Variants in RTKN2 observed in about 807,000 individuals in gnomAD.
RTKN2 encodes the protein rhotekin 2, also known as rhotekin-2.
Under a neutral mutation model 71.5 loss-of-function variants are expected in RTKN2, and 69 were observed. The ratio of observed to expected loss-of-function variants is 0.96; its 90% CI spans 0.79 to 1.18. The LOEUF is 1.18. RTKN2 is among the 50% of genes most tolerant of loss of function. The probability of loss-of-function intolerance (pLI) is 0.00; values close to 1 mark genes in which losing one functional copy is unlikely to be tolerated. For missense variants in RTKN2, 724 were observed against 719.7 expected, an observed-to-expected ratio of 1.01 and a Z score of -0.07; for synonymous variants, 236 against 236.5, an observed-to-expected ratio of 1.00 and a Z score of 0.02.
intron 3 of RTKN2, among the ~76,000 whole-genome samples, chr10:62,245,689 A>G (rs1460793786): frequency 6.6e-6 from 1 of 152,104 alleles, no homozygotes; most frequent in Non-Finnish European, 1.5e-5. Context: ...GAGTCAAAAG[A>G]CTTGGGTTTG....
chr10:62,262,719 C>T lies in RTKN2; in HGVS notation c.163G>A (p.Val55Ile), dbSNP rs150273580. Residue 55 changes from valine (V) to isoleucine (I), a missense_variant, in exon 2 of 12, where the codon GTT becomes ATT. Val to Ile is a conservative substitution (Grantham distance 29). Transcript: ENST00000373789. ...GCATTGCACACCATGAGATTCTTAA[C>T]TGCATGTAAAACTTGATCTTTCTGA... ...STQKDQVLHA[V>I]KNLMVCNARL... The T allele has an allele frequency of 9.9e-5, 159 of 1,613,294 alleles. No homozygotes were observed. The African/African-American group carries it at 2.0e-3, about 21-fold the overall frequency.
At chr10:62,213,771 G>C (rs575851996) in intron 9 of RTKN2, among the ~76,000 whole-genome samples, 1 of 152,080 alleles carries the variant, frequency 6.6e-6, no homozygotes, top group East Asian at 1.9e-4. Context: ...TAACTGCTGA[G>C]TCTAGGTGGT....
In RTKN2 at chr10:62,197,932, T is replaced by G. The variant is rs1479423883; in HGVS notation, c.1806A>C (p.Arg602Ser). ...TCTATACTTGTGCCTGCAGCCATGA[T>G]CTAGGGTCCAGAATGTCTTTGATGG... Reference protein sequence around the residue: ...QKSIKDILDPRSWLQAQV With the variant: ...QKSIKDILDPSSWLQAQV Residue 602 changes from arginine to serine, a missense_variant, in exon 12 of 12, where the codon AGA becomes AGC. Transcript: ENST00000373789. 8.7e-6 allele frequency: 14 copies of G among 1,613,490 alleles called. No individual in the cohort carries two copies. Among genetic ancestry groups the G allele is most frequent in the Admixed American group, 1.7e-5 (1 of 59,912 alleles).
intron 9 of RTKN2, 125 bp from the exon 10 acceptor site, chr10:62,205,147 G>T: frequency 1.4e-6 from 1 of 724,196 alleles, no homozygotes; most frequent in African/African-American, 1.9e-5. Context: ...CTGATCATTT[G>T]AAATTTAAAA....
In RTKN2 at chr10:62,246,191, C is replaced by A. The variant is rs553345159; in HGVS notation, c.258-134G>T. 2.3e-4 allele frequency: 134 copies of A among 589,146 alleles called. 1 individual carries two copies. Among genetic ancestry groups the A allele is most frequent in the African/African-American group, 2.2e-3 (118 of 52,926 alleles). 36.5% of individuals were successfully genotyped at this position (589,146 alleles called of 1,614,324 possible). On this transcript the variant is annotated intron_variant, in intron 2 of 11. Coordinates refer to ENST00000373789, the MANE Select transcript of RTKN2 (RefSeq NM_145307.4). ...AATAATGACTTCCAGTTAATGTAAA[C>A]TATTTGACTCAAACTTTAAGATGTT... is the stretch of plus-strand genomic sequence containing the variant.
At chr10:62,248,046 G>A (rs535757543) in intron 2 of RTKN2, among the ~76,000 whole-genome samples, 1 of 152,156 alleles carries the variant, frequency 6.6e-6, no homozygotes, top group South Asian at 2.1e-4. Flanking sequence ...AAGCAAACTT[G>A]CTGAATATTT....
chr10:62,217,356 A>C, intron 8 of RTKN2, 107 bp from the exon 9 acceptor site: 1 of 785,736 alleles, frequency 1.3e-6, no homozygotes, highest in South Asian at 3.0e-5. Flanking sequence ...AGAATTTTTA[A>C]AATGTGATGG....
intron 9 of RTKN2, 90 bp downstream of exon 9, chr10:62,217,028 T>C (rs886667327): frequency 7.3e-6 from 7 of 953,016 alleles, no homozygotes; most frequent in Middle Eastern, 2.3e-4. Context: ...ACTTCTCTTT[T>C]ATTTATAAGA....
Position 62,236,271 on chromosome 10 carries a change from C to T in RTKN2, c.489-8G>A. 1 of 1,564,224 alleles carries T rather than the reference C, an allele frequency of 6.4e-7. No individual in the cohort carries two copies. Among genetic ancestry groups the T allele is most frequent in the Non-Finnish European group, 8.7e-7 (1 of 1,144,192 alleles). On this transcript the variant is annotated splice_region_variant and splice_polypyrimidine_tract_variant and intron_variant, in intron 5 of 11. Transcript: ENST00000373789. ...TCTGGCCCTGCTTCATTACTAAAAA[C>T]AAGGGCATTCATAATGTTGGAAATT...
chr10:62,199,765 T>G lies in RTKN2; in HGVS notation c.1283A>C (p.Tyr428Ser), dbSNP rs775163778. 1 of 1,604,446 alleles carries G rather than the reference T, an allele frequency of 6.2e-7. No homozygotes were observed. The highest frequency in any genetic ancestry group is 8.5e-7 in the Non-Finnish European group (1 of 1,171,382). ...LFLTKEATSV[Y>S]HDMSIDSPMK... ...CAAACCCCACTTACTCATATCATGGTAGACTGAGGTTGCCTCTTTTGTCAA... is the reference window on the plus strand; with the variant it reads ...CAAACCCCACTTACTCATATCATGGGAGACTGAGGTTGCCTCTTTTGTCAA... The change falls in exon 11 of 12, where the codon TAC becomes TCC. Residue 428 changes from tyrosine to serine, a missense_variant. Coordinates refer to ENST00000373789, the MANE Select transcript of RTKN2 (RefSeq NM_145307.4).
Position 62,268,777 on chromosome 10 carries a change from C to T in RTKN2, c.-167G>A, listed in dbSNP as rs963181903. ...CGGGCCGAAGCGCACGCGCAGTGGG[C>T]GCGCCTTGCGCTCTGCAGCTCCCGC... On this transcript the variant is annotated 5_prime_UTR_variant, in exon 1 of 12. Transcript: ENST00000373789. The T allele has an allele frequency of 2.9e-5, 19 of 664,090 alleles. No individual in the cohort carries two copies. The highest frequency in any genetic ancestry group is 4.7e-5 in the Non-Finnish European group (19 of 401,468). 41.1% of individuals were successfully genotyped at this position (664,090 alleles called of 1,614,324 possible). A position where few individuals can be genotyped will look rare whatever the true frequency, so the allele number is the denominator to read the frequency against.
chr10:62,193,418 T>A lies in RTKN2; in HGVS notation c.*4490A>T. On this transcript the variant is annotated 3_prime_UTR_variant, in exon 12 of 12. Transcript: ENST00000373789. ...ATTAGTATTTTCTCCCATACTCAGATAAAGAAAAATGTTTGTTAAAATTTC... is the reference window on the plus strand; with the variant it reads ...ATTAGTATTTTCTCCCATACTCAGAAAAAGAAAAATGTTTGTTAAAATTTC... The A allele has an allele frequency of 1.0e-6, 1 of 981,524 alleles. No individual in the cohort carries two copies. The highest frequency in any genetic ancestry group is 6.1e-5 in the Admixed American group (1 of 16,278). 60.8% of individuals were successfully genotyped at this position (981,524 alleles called of 1,614,324 possible). A position where few individuals can be genotyped will look rare whatever the true frequency, so the allele number is the denominator to read the frequency against.
At chr10:62,227,263 C>T (rs894721217) in intron 6 of RTKN2, among the ~76,000 whole-genome samples, 1 of 151,956 alleles carries the variant, frequency 6.6e-6, no homozygotes, top group Non-Finnish European at 1.5e-5. Context: ...TTGTATCAAG[C>T]CCATGAAGCT....
intron 2 of RTKN2, among the ~76,000 whole-genome samples, chr10:62,255,891 C>A (rs1842665397): frequency 1.3e-5 from 2 of 152,274 alleles, no homozygotes; most frequent in Non-Finnish European, 2.9e-5. Context: ...TCTGATAAAG[C>A]CTTTAGACTC....
At chr10:62,232,160 T>C (rs573628383) in intron 6 of RTKN2, among the ~76,000 whole-genome samples, 1 of 152,206 alleles carries the variant, frequency 6.6e-6, no homozygotes, top group African/African-American at 2.4e-5. Flanking sequence ...GAACTCAGAA[T>C]AAACCAAATA....
At position 62,196,407 on chromosome 10, in the gene RTKN2, T is replaced by G; in HGVS notation, c.*1501A>C. 2 of 985,362 alleles carry G rather than the reference T, an allele frequency of 2.0e-6. No individual in the cohort carries two copies. Among genetic ancestry groups the G allele is most frequent in the African/African-American group, 3.5e-5 (2 of 57,362 alleles). The allele number at this position is 985,362 out of a possible 1,614,324, so 61.0% of individuals were successfully genotyped here. A position where few individuals can be genotyped will look rare whatever the true frequency, so the allele number is the denominator to read the frequency against. ...GTCACAAGAAACCTTTTGTTATCAT[T>G]ACTCCCTCAAGATTCAATTCTTACT... On this transcript the variant is annotated 3_prime_UTR_variant, in exon 12 of 12. Coordinates refer to ENST00000373789, the MANE Select transcript of RTKN2 (RefSeq NM_145307.4).
At chr10:62,268,505 C>A (rs1842907106) in intron 1 of RTKN2, 46 bp downstream of exon 1, 2 of 1,529,170 alleles carry the variant, frequency 1.3e-6, no homozygotes, top group Middle Eastern at 1.7e-4. Context: ...AGGAACAGAA[C>A]CCCGGCTCCC....
chr10:62,236,040 C>T, intron 6 of RTKN2, 26 bp downstream of exon 6: 1 of 1,433,146 alleles, frequency 7.0e-7, no homozygotes, highest in East Asian at 2.3e-5. Flanking sequence ...AATTATGTCA[C>T]CATAAATACA....
In RTKN2 at chr10:62,204,950, G is replaced by A. The variant is rs1256537620; in HGVS notation, c.1093C>T (p.Pro365Ser). Reference protein sequence around the residue: ...IHNFSVINPVPGQAITQIFAV... With the variant: ...IHNFSVINPVSGQAITQIFAV... ...AAAATCTGAGTTATAGCTTGTCCAGGAACAGGATTGATGACAGAGAAATTA... is the reference window on the plus strand; with the variant it reads ...AAAATCTGAGTTATAGCTTGTCCAGAAACAGGATTGATGACAGAGAAATTA... Residue 365 changes from proline to serine, a missense_variant, in exon 10 of 12, where the codon CCT (proline) becomes TCT (serine). By Grantham distance (74) the Pro-to-Ser change is moderately conservative (BLOSUM62 -1). Transcript: ENST00000373789. The A allele has an allele frequency of 6.2e-7, 1 of 1,602,612 alleles. No homozygotes were observed. The highest frequency in any genetic ancestry group is 1.3e-5 in the African/African-American group (1 of 74,104).
Sources: gnomAD v4.1 joint callset for allele counts (sites outside exome capture counted in the v4.1 genomes callset) on GRCh38, gnomAD v4.1.1 for gene constraint, MANE v1.5 for transcripts, NCBI Gene and HGNC (gene_info 2026-07-23, HGNC 2026-07-21) for gene names.